The following MAPKAP1 variants were observed in gnomAD, a reference collection of about 807,000 sequenced individuals.
MAPKAP1 encodes target of rapamycin complex 2 subunit MAPKAP1.
MAPKAP1 carries 20 observed loss-of-function variants against 65.7 expected under a neutral mutation model. The ratio of observed to expected loss-of-function variants is 0.30; its 90% CI spans 0.21 to 0.44. MAPKAP1 has a LOEUF of 0.44. MAPKAP1 is among the 20% of genes least tolerant of loss of function. The probability of loss-of-function intolerance (pLI) is 1.00; values close to 1 mark genes in which losing one functional copy is unlikely to be tolerated. For synonymous variants in MAPKAP1, 222 were observed against 244.3 expected (o/e 0.91, Z 0.85); for missense variants, 423 against 648.0 (o/e 0.65, Z 3.77).
intron 4 of MAPKAP1, among the ~76,000 whole-genome samples, chr9:125,592,473 G>A (rs935715557): frequency 6.6e-6 from 1 of 152,062 alleles, no homozygotes; most frequent in Non-Finnish European, 1.5e-5. Flanking sequence ...AAACAAAATT[G>A]TAAATATTAT....
chr9:125,624,495 C>A (rs573802326), intron 4 of MAPKAP1, among the ~76,000 whole-genome samples: 1 of 95,294 alleles, frequency 1.0e-5, no homozygotes, highest in Non-Finnish European at 2.4e-5. Context: ...GCGCCTCTGC[C>A]CGGCCGCCCC....
chr9:125,492,971 C>T (rs1237043219), intron 8 of MAPKAP1, among the ~76,000 whole-genome samples: 1 of 151,904 alleles, frequency 6.6e-6, no homozygotes, highest in Non-Finnish European at 1.5e-5. Flanking sequence ...GGAGGACAGG[C>T]AATCCATGGA....
Position 125,447,494 on chromosome 9 carries a change from G to T in MAPKAP1, c.1346-2896C>A, listed in dbSNP as rs576324241. On this transcript the variant is annotated intron_variant, in intron 10 of 11. Coordinates refer to ENST00000265960, the MANE Select transcript of MAPKAP1 (RefSeq NM_001006617.3). The surrounding 1 kb of genome is among the most constrained non-coding windows in gnomAD (Gnocchi z 4.5). Reference sequence around the variant, plus strand: ...AGGAGTGATGAGCGGAACCCTGGGGGGCAAGGGCAGGTTAAGATCAGCAGC... The same window carrying T: ...AGGAGTGATGAGCGGAACCCTGGGGTGCAAGGGCAGGTTAAGATCAGCAGC... 2.4e-4 allele frequency: 108 copies of T among 456,540 alleles called. No homozygotes were observed. Among genetic ancestry groups the T allele is most frequent in the South Asian group, 1.5e-3 (97 of 64,568 alleles). 28.3% of individuals were successfully genotyped at this position (456,540 alleles called of 1,614,324 possible).
intron 1 of MAPKAP1, among the ~76,000 whole-genome samples, chr9:125,683,665 A>T (rs1376810933): frequency 1.3e-5 from 2 of 152,312 alleles, no homozygotes; most frequent in Middle Eastern, 3.4e-3. Flanking sequence ...CTGACACCTT[A>T]ATTTCATCCC....
intron 10 of MAPKAP1, among the ~76,000 whole-genome samples, chr9:125,459,293 G>T (rs999681748): frequency 6.6e-6 from 1 of 150,732 alleles, no homozygotes; most frequent in Non-Finnish European, 1.5e-5. Context: ...TTCCTAGATC[G>T]GATGGCGGCC....
rs1852439120 is a variant in MAPKAP1 at position 125,440,487 on chromosome 9, A to G, written c.1444-1475T>C. Among the ~76,000 whole-genome samples the G allele has an allele frequency of 3.3e-5, 5 of 152,288 alleles. 1 individual carries two copies. The South Asian group carries it at 1.0e-3, about 32-fold the overall frequency. ...GAAGGCTGAATATTTCTGACAAGAG[A>G]GGCCAGCCACTGCCTCTGCTGATTC... On this transcript the variant is annotated intron_variant, in intron 11 of 11. Transcript: ENST00000265960.
chr9:125,440,304 T>A (rs566388494), intron 11 of MAPKAP1, among the ~76,000 whole-genome samples: 1 of 152,192 alleles, frequency 6.6e-6, no homozygotes, highest in Non-Finnish European at 1.5e-5. Flanking sequence ...ATGACAATAA[T>A]GTCATTTAGT....
At chr9:125,698,430 C>T (rs932674998) in intron 1 of MAPKAP1, among the ~76,000 whole-genome samples, 2 of 149,486 alleles carry the variant, frequency 1.3e-5, no homozygotes, top group South Asian at 2.1e-4. Context: ...CTCCGACTCC[C>T]GGGTTCAAGC....
At chr9:125,452,147 G>C (rs1852980170) in intron 10 of MAPKAP1, among the ~76,000 whole-genome samples, 1 of 151,614 alleles carries the variant, frequency 6.6e-6, no homozygotes, top group African/African-American at 2.4e-5. Context: ...TCACTCAGCT[G>C]GAGTGCAGTG....
Position 125,594,554 on chromosome 9 carries a change from T to C in MAPKAP1, c.499-8827A>G, listed in dbSNP as rs943215811. 1.6e-4 allele frequency among the ~76,000 whole-genome samples: 25 copies of C among 152,312 alleles called. 1 individual carries two copies. Among genetic ancestry groups the C allele is most frequent in the East Asian group, 3.9e-4 (2 of 5,190 alleles). On this transcript the variant is annotated intron_variant, in intron 4 of 11. Transcript: ENST00000265960. The stretch of plus-strand genomic sequence containing the variant: ...CCACAAAGTCACTGATCAAGAAACA[T>C]AGCTCTTCTTCTGTCCTTCAATTCA...
intron 9 of MAPKAP1, among the ~76,000 whole-genome samples, chr9:125,483,608 C>T (rs1393908302): frequency 2.0e-5 from 3 of 152,188 alleles, no homozygotes; most frequent in Non-Finnish European, 4.4e-5. Flanking sequence ...CCCATTCTTC[C>T]TCTCCCTCGG....
intron 7 of MAPKAP1, among the ~76,000 whole-genome samples, chr9:125,540,190 ATACC>A (rs1252091989): frequency 2.0e-5 from 3 of 152,232 alleles, no homozygotes; most frequent in Non-Finnish European, 4.4e-5. Flanking sequence ...GCTCAAGCAA[ATACC>A]TACCACCTTC....
At chr9:125,652,048 C>A in intron 4 of MAPKAP1, 1 of 1,119,000 alleles carries the variant, frequency 8.9e-7, no homozygotes, top group Non-Finnish European at 1.1e-6. Flanking sequence ...AGCATATTTT[C>A]CAAGTTCAGA....
chr9:125,580,396 T>C (rs567706757), intron 5 of MAPKAP1, among the ~76,000 whole-genome samples: 3 of 152,256 alleles, frequency 2.0e-5, no homozygotes, highest in Admixed American at 2.0e-4. Context: ...GGGACATGGA[T>C]AAAGCTGGAA....
chr9:125,509,213 T>C (rs570756423), intron 7 of MAPKAP1, among the ~76,000 whole-genome samples: 5 of 152,272 alleles, frequency 3.3e-5, no homozygotes, highest in African/African-American at 7.2e-5. Context: ...ATTCTATGAA[T>C]GTAACAAAAT....
chr9:125,508,759 G>A (rs868215248), intron 7 of MAPKAP1, among the ~76,000 whole-genome samples: 4 of 152,092 alleles, frequency 2.6e-5, no homozygotes, highest in Non-Finnish European at 4.4e-5. Context: ...GGAGGCTGAG[G>A]TGGATCTCCT....
chr9:125,700,277 G>T (rs1372544064), intron 1 of MAPKAP1, among the ~76,000 whole-genome samples: 1 of 152,172 alleles, frequency 6.6e-6, no homozygotes, highest in Non-Finnish European at 1.5e-5. Flanking sequence ...CTGCTGAAAT[G>T]GTACTTATTT....
intron 5 of MAPKAP1, among the ~76,000 whole-genome samples, chr9:125,578,384 C>T (rs967016754): frequency 1.3e-5 from 2 of 151,628 alleles, no homozygotes; most frequent in Non-Finnish European, 2.9e-5. Context: ...GTCCTGTGAC[C>T]CTGCCAAATC....
chr9:125,650,104 T>C (rs969457102), intron 4 of MAPKAP1, among the ~76,000 whole-genome samples: 3 of 152,178 alleles, frequency 2.0e-5, no homozygotes, highest in Non-Finnish European at 4.4e-5. Flanking sequence ...TTTTGCCTAC[T>C]ACTAAATATC....
Sources: gnomAD v4.1 joint callset for allele counts (sites outside exome capture counted in the v4.1 genomes callset) on GRCh38, gnomAD v4.1.1 for gene constraint, Gnocchi (gnomAD v3.1) non-coding constraint, MANE v1.5 for transcripts, NCBI Gene and HGNC (gene_info 2026-07-23, HGNC 2026-07-21) for gene names.